Variants in NXNL2 observed in about 807,000 individuals in gnomAD.
The protein encoded by NXNL2 is nucleoredoxin like 2.
NXNL2 carries 7 observed loss-of-function variants against 11.1 expected under a neutral mutation model. The observed-to-expected ratio is 0.63, with a 90% CI of 0.36 to 1.18. The LOEUF is 1.18. Ranked by LOEUF, NXNL2 falls within the 50% of genes most tolerant of loss-of-function variation. The probability of loss-of-function intolerance (pLI) is 0.02; values close to 1 mark genes in which losing one functional copy is unlikely to be tolerated. For missense variants in NXNL2, 233 were observed against 217.7 expected (o/e 1.07, Z -0.44); for synonymous variants, 109 against 101.8 (o/e 1.07, Z -0.42).
At chr9:88,566,868 A>T (rs1830177098) in intron 1 of NXNL2, among the ~76,000 whole-genome samples, 1 of 152,150 alleles carries the variant, frequency 6.6e-6, no homozygotes, top group South Asian at 2.1e-4. Flanking sequence ...TGAAAATGGT[A>T]TATTATCTAT....
At chr9:88,570,845 C>T (rs765164321) in intron 1 of NXNL2, among the ~76,000 whole-genome samples, 100 of 149,112 alleles carry the variant, frequency 6.7e-4, no homozygotes, top group Middle Eastern at 3.7e-3. Context: ...TGGGTTCAAA[C>T]GATTCTTCTC....
chr9:88,557,519 T>A (rs762756910), intron 1 of NXNL2, among the ~76,000 whole-genome samples: 1 of 152,254 alleles, frequency 6.6e-6, no homozygotes, highest in East Asian at 1.9e-4. Context: ...GCTGTCAGAG[T>A]CATTCCAATT....
At chr9:88,574,030 A>G (rs1163241972) in intron 2 of NXNL2, among the ~76,000 whole-genome samples, 1 of 152,202 alleles carries the variant, frequency 6.6e-6, no homozygotes, top group Non-Finnish European at 1.5e-5. Context: ...TGGGATTGTA[A>G]CATGGTGCAG....
intron 1 of NXNL2, among the ~76,000 whole-genome samples, chr9:88,536,414 G>A (rs1829619705): frequency 6.6e-6 from 1 of 152,146 alleles, no homozygotes; most frequent in South Asian, 2.1e-4. Context: ...GCAAAGGAGG[G>A]GGTAGGGATT....
At chr9:88,545,717 C>T (rs1412161641), downstream of NXNL2, among the ~76,000 whole-genome samples, 1 of 152,050 alleles carries the variant, frequency 6.6e-6, no homozygotes, top group Non-Finnish European at 1.5e-5. Flanking sequence ...TGTAGAAATG[C>T]AGTTTTCTTC....
intron 1 of NXNL2, among the ~76,000 whole-genome samples, chr9:88,567,417 G>A (rs1266777177): frequency 1.3e-5 from 2 of 152,170 alleles, no homozygotes; most frequent in East Asian, 1.9e-4. Context: ...GATTACAGGC[G>A]TGAGCCACCG....
intron 1 of NXNL2, among the ~76,000 whole-genome samples, chr9:88,582,450 C>A (rs1026647512): frequency 6.6e-6 from 1 of 151,614 alleles, no homozygotes; most frequent in Non-Finnish European, 1.5e-5. Flanking sequence ...GCCTGGGCGA[C>A]AGAGAGAGAC....
chr9:88,576,190 G>A (rs562301114), downstream of NXNL2, among the ~76,000 whole-genome samples: 16 of 152,288 alleles, frequency 1.1e-4, no homozygotes, highest in South Asian at 4.1e-4. Flanking sequence ...GCGAGACTCC[G>A]TCTCAAAAAG....
chr9:88,563,558 A>G (rs1450863097), intron 1 of NXNL2, among the ~76,000 whole-genome samples: 2 of 151,464 alleles, frequency 1.3e-5, no homozygotes, highest in Non-Finnish European at 2.9e-5. Context: ...CTCACTCCAG[A>G]CTCCCTATAT....
At chr9:88,561,226 C>T (rs944132932) in intron 1 of NXNL2, among the ~76,000 whole-genome samples, 4 of 152,112 alleles carry the variant, frequency 2.6e-5, no homozygotes, top group African/African-American at 4.8e-5. Flanking sequence ...ACGGGCCTAG[C>T]CTCCCAGCCT....
intron 1 of NXNL2, among the ~76,000 whole-genome samples, chr9:88,542,436 G>A (rs1194305868): frequency 6.6e-6 from 1 of 151,566 alleles, no homozygotes; most frequent in Non-Finnish European, 1.5e-5. Flanking sequence ...CCACAAATGC[G>A]TGCCACCATG....
At chr9:88,551,910 T>C (rs1396991410) in intron 1 of NXNL2, among the ~76,000 whole-genome samples, 1 of 152,226 alleles carries the variant, frequency 6.6e-6, no homozygotes. Flanking sequence ...ATTTTGGCAC[T>C]CTTACTTTCA....
At chr9:88,578,100 G>C (rs1161139797), downstream of NXNL2, among the ~76,000 whole-genome samples, 1 of 152,210 alleles carries the variant, frequency 6.6e-6, no homozygotes, top group East Asian at 1.9e-4. Context: ...GTTAAGAGTG[G>C]GGTGGTAGAG....
At chr9:88,549,688 G>T (rs1829900532), downstream of NXNL2, among the ~76,000 whole-genome samples, 1 of 152,166 alleles carries the variant, frequency 6.6e-6, no homozygotes, top group Non-Finnish European at 1.5e-5. Flanking sequence ...TGGTTCTGCA[G>T]GCTTTACAGG....
intron 1 of NXNL2, among the ~76,000 whole-genome samples, chr9:88,569,804 C>T (rs1320741975): frequency 2.6e-4 from 39 of 152,166 alleles, no homozygotes; most frequent in Non-Finnish European, 4.9e-4. Context: ...GGGATAAATT[C>T]TATTTGGCCA....
intron 1 of NXNL2, among the ~76,000 whole-genome samples, chr9:88,553,594 T>C (rs1335083280): frequency 6.6e-6 from 1 of 152,196 alleles, no homozygotes; most frequent in African/African-American, 2.4e-5. Context: ...AGAGGCTCTT[T>C]CTAGCGGGTC....
intron 1 of NXNL2, among the ~76,000 whole-genome samples, chr9:88,536,270 G>A (rs752111395): frequency 3.3e-5 from 5 of 152,184 alleles, no homozygotes; most frequent in Non-Finnish European, 7.3e-5. Context: ...TGGGAGGGAG[G>A]GACGGGGGCT....
At chr9:88,549,433 G>A (rs530142297), downstream of NXNL2, among the ~76,000 whole-genome samples, 727 of 152,282 alleles carry the variant, frequency 4.8e-3, 6 homozygotes, top group Non-Finnish European at 9.0e-3. Flanking sequence ...GTGAAAGGGG[G>A]CAAACTCTTT....
chr9:88,572,495 A>G (rs1830286041), intron 2 of NXNL2, among the ~76,000 whole-genome samples: 1 of 152,182 alleles, frequency 6.6e-6, no homozygotes, highest in African/African-American at 2.4e-5. Flanking sequence ...CCCTGCAGGT[A>G]GTCACACATG....
Sources: allele counts gnomAD v4.1 joint callset (sites outside exome capture counted in the v4.1 genomes callset), GRCh38; gene constraint gnomAD v4.1.1; transcripts MANE v1.5; gene names NCBI Gene and HGNC (gene_info 2026-07-23, HGNC 2026-07-21).